AGBL1: variants seen among roughly 807,000 people sequenced by gnomAD.
AGBL1 encodes the protein AGBL carboxypeptidase 1, also known as cytosolic carboxypeptidase 4.
AGBL1 carries 130 observed loss-of-function variants against 118.9 expected under a neutral mutation model. The observed-to-expected ratio is 1.09, with a 90% CI of 0.95 to 1.26. The LOEUF (loss-of-function observed/expected upper bound fraction) is 1.26, where lower values mean the gene tolerates loss of function less well. Ranked by LOEUF, AGBL1 falls within the 50% of genes most tolerant of loss-of-function variation. The probability of loss-of-function intolerance (pLI) is 0.00; values close to 1 mark genes in which losing one functional copy is unlikely to be tolerated. For synonymous variants in AGBL1, 555 were observed against 478.9 expected (o/e 1.16, Z -2.08); for missense variants, 1,584 against 1,298.1 (o/e 1.22, Z -3.38).
chr15:86,443,776 G>C (rs1484649729), intron 18 of AGBL1, among the ~76,000 whole-genome samples: 1 of 152,134 alleles, frequency 6.6e-6, no homozygotes, highest in Non-Finnish European at 1.5e-5. Flanking sequence ...TGAATGACAA[G>C]ATTTCACTCT....
At chr15:86,590,247 C>T (rs887645792) in intron 21 of AGBL1, among the ~76,000 whole-genome samples, 41 of 152,142 alleles carry the variant, frequency 2.7e-4, no homozygotes, top group African/African-American at 8.2e-4. Flanking sequence ...TGTCCCCACC[C>T]AATCTCACCT....
At chr15:86,834,308 C>G (rs943706065) in intron 22 of AGBL1, among the ~76,000 whole-genome samples, 1 of 152,084 alleles carries the variant, frequency 6.6e-6, no homozygotes, top group Non-Finnish European at 1.5e-5. Flanking sequence ...GCAACCCAGA[C>G]CAGCTCAGTG....
Position 86,674,511 on chromosome 15 carries a change from C to G in AGBL1, c.3158+75C>G, listed in dbSNP as rs760834936. On this transcript the variant is annotated intron_variant, in intron 22 of 22. Transcript: ENST00000614907. ...TGCTCAATATCTCAGTAATGAAAGT[C>G]GAGTGGACCTAGGGGTCTTTACACA... is the stretch of plus-strand genomic sequence containing the variant. 4.9e-5 allele frequency: 72 copies of G among 1,455,282 alleles called. No individual in the cohort carries two copies. The African/African-American group carries it at 9.3e-4, about 19-fold the overall frequency. The allele number at this position is 1,455,282 out of a possible 1,614,324, so 90.1% of individuals were successfully genotyped here.
chr15:86,322,609 T>G (rs543365086), intron 17 of AGBL1, among the ~76,000 whole-genome samples: 1 of 152,198 alleles, frequency 6.6e-6, no homozygotes, highest in Non-Finnish European at 1.5e-5. Flanking sequence ...TTTATGAATA[T>G]TGATTGTAAG....
intron 18 of AGBL1, among the ~76,000 whole-genome samples, chr15:86,472,735 AT>A (rs1229442919): frequency 3.9e-5 from 6 of 152,314 alleles, no homozygotes; most frequent in African/African-American, 1.4e-4. Flanking sequence ...CCTGGCCAAC[AT>A]GATGAAGCCC....
At position 86,262,552 on chromosome 15, in the gene AGBL1, T is replaced by C. The variant is rs2079009001; in HGVS notation, c.970-226T>C. On this transcript the variant is annotated intron_variant, in intron 9 of 22. Coordinates refer to ENST00000614907, the MANE Select transcript of AGBL1 (RefSeq NM_001386094.1). ...ACAAATTTTTATTTCTGATGAAGGC[T>C]GATAAATACTGACATAAATGCTGAG... 5.2e-6 allele frequency: 3 copies of C among 577,606 alleles called. No individual in the cohort carries two copies. The African/African-American group carries it at 5.7e-5, about 11-fold the overall frequency. 35.8% of individuals were successfully genotyped at this position (577,606 alleles called of 1,614,324 possible).
At chr15:86,658,797 G>T (rs946144294) in intron 21 of AGBL1, among the ~76,000 whole-genome samples, 1 of 152,152 alleles carries the variant, frequency 6.6e-6, no homozygotes, top group Non-Finnish European at 1.5e-5. Flanking sequence ...TGTGTTTGGG[G>T]TTTGATTTAG....
At chr15:86,765,614 C>T (rs937600366) in intron 22 of AGBL1, among the ~76,000 whole-genome samples, 9 of 151,914 alleles carry the variant, frequency 5.9e-5, no homozygotes, top group East Asian at 5.9e-4. Flanking sequence ...GGGGGAGAGA[C>T]GTGACAAAAA....
At chr15:87,019,121 C>CAAGT (rs2081636543) in intron 24 of AGBL1, among the ~76,000 whole-genome samples, 1 of 152,052 alleles carries the variant, frequency 6.6e-6, no homozygotes, top group African/African-American at 2.4e-5. Context: ...GTTCATAAAG[C>CAAGT]AAGTTTTTAG....
intron 23 of AGBL1, among the ~76,000 whole-genome samples, chr15:86,941,039 T>A (rs2141653950): frequency 6.6e-6 from 1 of 152,296 alleles, no homozygotes; most frequent in African/African-American, 2.4e-5. Flanking sequence ...TCTTGTAACT[T>A]TGTCTTTTGG....
chr15:86,629,166 C>T (rs2084930014), intron 21 of AGBL1, among the ~76,000 whole-genome samples: 1 of 152,092 alleles, frequency 6.6e-6, no homozygotes, highest in Non-Finnish European at 1.5e-5. Context: ...CTGGTAACCA[C>T]CATTCTACTT....
rs185651104 is a variant in AGBL1 at position 86,266,470 on chromosome 15, G to A, written c.1751+13G>A. 3.5e-3 allele frequency: 5,437 copies of A among 1,543,428 alleles called. 15 individuals carry two copies. Among genetic ancestry groups the A allele is most frequent in the Non-Finnish European group, 3.8e-3 (4,301 of 1,137,186 alleles). On this transcript the variant is annotated intron_variant, in intron 12 of 22. Transcript: ENST00000614907. ...TAGATGAGCCTTGGTAGGTAGTCTCGTGCATCTGAGGAAGGTGGGGCATGG... is the reference window on the plus strand; with the variant it reads ...TAGATGAGCCTTGGTAGGTAGTCTCATGCATCTGAGGAAGGTGGGGCATGG...
At chr15:86,165,695 G>A (rs2077331543) in intron 5 of AGBL1, among the ~76,000 whole-genome samples, 1 of 152,094 alleles carries the variant, frequency 6.6e-6, no homozygotes, top group African/African-American at 2.4e-5. Context: ...TGGTCTCCAG[G>A]GCATGGCCTC....
chr15:86,276,610 T>C (rs1317614650), intron 15 of AGBL1, among the ~76,000 whole-genome samples: 1 of 152,118 alleles, frequency 6.6e-6, no homozygotes, highest in African/African-American at 2.4e-5. Flanking sequence ...CCATAAAGTA[T>C]TGGCCATGAG....
rs1428988657 is a variant in AGBL1 at position 86,279,656 on chromosome 15, G to A, written c.2093G>A (p.Ser698Asn). 6.2e-7 allele frequency: 1 copy of A among 1,613,388 alleles called. No homozygotes were observed. Among genetic ancestry groups the A allele is most frequent in the Non-Finnish European group, 8.5e-7 (1 of 1,179,478 alleles). Residue 698 changes from serine to asparagine, a missense_variant, in exon 16 of 23, where the codon AGT becomes AAT. Coordinates refer to ENST00000614907, the MANE Select transcript of AGBL1 (RefSeq NM_001386094.1). Reference sequence around the variant, plus strand: ...CTCTTTAGAAATCATTATCGCCAGAGTACAGCTGTTGCAGGCGGAGCATCT... The same window carrying A: ...CTCTTTAGAAATCATTATCGCCAGAATACAGCTGTTGCAGGCGGAGCATCT... Reference protein sequence around the residue: ...ICYYKNHYRQSTAVAGGASGK... With the variant: ...ICYYKNHYRQNTAVAGGASGK...
intron 1 of AGBL1, among the ~76,000 whole-genome samples, chr15:86,106,404 T>C (rs1024053184): frequency 1.3e-5 from 2 of 152,338 alleles, no homozygotes; most frequent in African/African-American, 2.4e-5. Context: ...AGACCTACCT[T>C]GAGTCCTAAT....
At chr15:86,421,962 A>G (rs1476080080) in intron 18 of AGBL1, among the ~76,000 whole-genome samples, 1 of 152,194 alleles carries the variant, frequency 6.6e-6, no homozygotes, top group Non-Finnish European at 1.5e-5. Context: ...ATGTTCTTAG[A>G]GACCTACAAA....
chr15:86,092,564 G>GAAAAA (rs1896105852), intron 1 of AGBL1, among the ~76,000 whole-genome samples: 2 of 152,048 alleles, frequency 1.3e-5, no homozygotes, highest in African/African-American at 4.8e-5. Context: ...GAAACTCAGG[G>GAAAAA]AAAAGAGCAA....
intron 6 of AGBL1, among the ~76,000 whole-genome samples, chr15:86,246,763 T>A (rs78287179): frequency 0.015 from 2,279 of 152,336 alleles, 60 homozygotes; most frequent in African/African-American, 0.052. Flanking sequence ...TGATTATATA[T>A]AAATTAGCTT....
Sources: gnomAD v4.1 joint callset for allele counts (sites outside exome capture counted in the v4.1 genomes callset) on GRCh38, gnomAD v4.1.1 for gene constraint, MANE v1.5 for transcripts, NCBI Gene and HGNC (gene_info 2026-07-23, HGNC 2026-07-21) for gene names.